The following G3BP1 variants were observed in gnomAD, a reference collection of about 807,000 sequenced individuals.
G3BP1 encodes G3BP stress granule assembly factor 1.
A neutral mutation model predicts 58.6 loss-of-function variants in G3BP1; 35 were observed. That is an observed-to-expected ratio of 0.60 (90% CI 0.46 to 0.79). The LOEUF is 0.79. G3BP1 is among the 30% of genes least tolerant of loss of function. The pLI is 0.00. For missense variants in G3BP1, 523 were observed against 580.8 expected (o/e 0.90, Z 1.02); for synonymous variants, 191 against 195.4 (o/e 0.98, Z 0.19).
intron 6 of G3BP1, among the ~76,000 whole-genome samples, chr5:151,796,513 C>G (rs765839970): frequency 6.6e-6 from 1 of 152,158 alleles, no homozygotes; most frequent in Non-Finnish European, 1.5e-5. Context: ...GGTGATCTGC[C>G]CACCTTGGCC....
rs775337959 is a variant in G3BP1, at chr5:151,804,014, A to G, written c.1324A>G (p.Met442Val). The G allele has an allele frequency of 2.5e-6, 4 of 1,613,300 alleles. No homozygotes were observed. Among genetic ancestry groups the G allele is most frequent in the Non-Finnish European group, 3.4e-6 (4 of 1,179,668 alleles). The change falls in exon 12 of 12, where the codon ATG (methionine) becomes GTG (valine). Residue 442 changes from methionine to valine, a missense_variant. Coordinates refer to ENST00000356245, the MANE Select transcript of G3BP1 (RefSeq NM_005754.3). The part of the protein sequence containing the change: ...GGPRGGLGGG[M>V]RGPPRGGMVQ... ...CCCTCGAGGTGGGCTGGGTGGTGGA[A>G]TGAGAGGCCCTCCCCGTGGAGGCAT...
intron 1 of G3BP1, among the ~76,000 whole-genome samples, chr5:151,780,657 C>G (rs903023018): frequency 2.0e-5 from 3 of 152,134 alleles, no homozygotes; most frequent in African/African-American, 7.2e-5. Context: ...GGACTACAGG[C>G]GCCCACCACC....
chr5:151,776,636 A>G (rs954545480), intron 1 of G3BP1, among the ~76,000 whole-genome samples: 1 of 151,370 alleles, frequency 6.6e-6, no homozygotes, highest in African/African-American at 2.4e-5. Flanking sequence ...TGTATTCTTC[A>G]TGTTTTTTCT....
At chr5:151,794,827 G>C (rs1019218611) in intron 5 of G3BP1, among the ~76,000 whole-genome samples, 5 of 152,318 alleles carry the variant, frequency 3.3e-5, no homozygotes, top group Middle Eastern at 3.4e-3. Context: ...TTGTAATACA[G>C]TTTTACAGAT....
rs560505562 is a variant in G3BP1, at chr5:151,778,855, G to C, written c.-50+6819G>C. Among the ~76,000 whole-genome samples the C allele has an allele frequency of 2.5e-4, 38 of 151,982 alleles. No homozygotes were observed. The South Asian group carries it at 7.1e-3, about 28-fold the overall frequency. On this transcript the variant is annotated intron_variant, in intron 1 of 11. Coordinates refer to ENST00000356245, the MANE Select transcript of G3BP1 (RefSeq NM_005754.3). ...GTGGATCACTTGAGGCCAGGGGTTC[G>C]AGACCAGCCTGGGCAACATGGTGAA...
rs1762993801 is a variant in G3BP1, at chr5:151,809,944, A to C, written c.*5853A>C. On this transcript the variant is annotated 3_prime_UTR_variant, in exon 12 of 12. Transcript: ENST00000356245. ...GGATGGGTTTACTACTAGCTGTCAG[A>C]AAGCTATTGGGTATCCTAATGTGTT... 2 of 152,196 alleles carry C rather than the reference A, an allele frequency of 1.3e-5. No individual in the cohort carries two copies. Among genetic ancestry groups the C allele is most frequent in the Non-Finnish European group, 2.9e-5 (2 of 68,044 alleles). The allele number at this position is 152,196 out of a possible 1,614,324, so 9.4% of individuals were successfully genotyped here.
chr5:151,797,222 CAAAGT>C lies in G3BP1; in HGVS notation c.540-2_542del. The C allele has an allele frequency of 6.2e-7, 1 of 1,612,480 alleles. No individual in the cohort carries two copies. On this transcript the variant is annotated splice_acceptor_variant and splice_polypyrimidine_tract_variant and coding_sequence_variant and intron_variant, in exon 7 of 12. Coordinates refer to ENST00000356245, the MANE Select transcript of G3BP1 (RefSeq NM_005754.3). LOFTEE classifies it high-confidence loss of function. ...AATGATATTTCTCAAATTTTCCTGT[CAAAGT>C]AATGACATGGAAGAACATTTAGAGG...
chr5:151,794,209 A>G lies in G3BP1; in HGVS notation c.402A>G (p.Gln134=), dbSNP rs1762708728. 1 of 1,611,214 alleles carries G rather than the reference A, an allele frequency of 6.2e-7. No homozygotes were observed. Among genetic ancestry groups the G allele is most frequent in the Non-Finnish European group, 8.5e-7 (1 of 1,177,418 alleles). The change falls in exon 5 of 12, where the codon CAA becomes CAG. Residue 134 remains glutamine (Q), a synonymous_variant. Transcript: ENST00000356245. ...TTCACAATGATATCTTCAGATACCA[A>G]GATGAGGTCTTTGGTGGGTTTGTCA... ...FYVHNDIFRY[Q]DEVFGGFVTE... is the part of the protein sequence containing the mutation.
chr5:151,798,061 A>C (rs931862501), intron 7 of G3BP1, among the ~76,000 whole-genome samples: 14 of 152,180 alleles, frequency 9.2e-5, no homozygotes, highest in Non-Finnish European at 1.3e-4. Context: ...CAATAATTCA[A>C]ATTCCTGCTG....
rs1198827576 is a variant in G3BP1 at position 151,806,317 on chromosome 5, T to A, written c.*2226T>A. Reference sequence around the variant, plus strand: ...TACTCTAAGGAATTAGTAATTTCACTTTTTATTATTTGTACCAAATGTATG... The same window carrying A: ...TACTCTAAGGAATTAGTAATTTCACATTTTATTATTTGTACCAAATGTATG... On this transcript the variant is annotated 3_prime_UTR_variant, in exon 12 of 12. Coordinates refer to ENST00000356245, the MANE Select transcript of G3BP1 (RefSeq NM_005754.3). 2 of 152,208 alleles carry A rather than the reference T, an allele frequency of 1.3e-5. No homozygotes were observed. The highest frequency in any genetic ancestry group is 2.9e-5 in the Non-Finnish European group (2 of 68,026). The allele number at this position is 152,208 out of a possible 1,614,324, so 9.4% of individuals were successfully genotyped here. A position where few individuals can be genotyped will look rare whatever the true frequency, so the allele number is the denominator to read the frequency against.
rs1357555307 is a variant in G3BP1 at position 151,809,715 on chromosome 5, A to T, written c.*5624A>T. ...ATCTGCTTTTAGAAGTAATATGGTG[A>T]TCATCAGTTTAGATTCACTGTAGGA... On this transcript the variant is annotated 3_prime_UTR_variant, in exon 12 of 12. Coordinates refer to ENST00000356245, the MANE Select transcript of G3BP1 (RefSeq NM_005754.3). 6.6e-6 allele frequency: 1 copy of T among 152,198 alleles called. No individual in the cohort carries two copies. Among genetic ancestry groups the T allele is most frequent in the Non-Finnish European group, 1.5e-5 (1 of 68,028 alleles). The allele number at this position is 152,198 out of a possible 1,614,324, so 9.4% of individuals were successfully genotyped here.
chr5:151,778,931 C>T (rs1414438376), intron 1 of G3BP1, among the ~76,000 whole-genome samples: 2 of 151,984 alleles, frequency 1.3e-5, no homozygotes, highest in Middle Eastern at 3.4e-3. Flanking sequence ...GTGGTGTGTG[C>T]TTGTAATCCC....
At chr5:151,796,131 G>A (rs1166938759) in intron 6 of G3BP1, among the ~76,000 whole-genome samples, 2 of 152,164 alleles carry the variant, frequency 1.3e-5, no homozygotes, top group Non-Finnish European at 2.9e-5. Flanking sequence ...AGTGCCTGAA[G>A]GGTGTTTTCA....
Position 151,799,913 on chromosome 5 carries a change from T to A in G3BP1, c.868T>A (p.Ser290Thr). The A allele has an allele frequency of 6.2e-7, 1 of 1,612,316 alleles. No homozygotes were observed. The highest frequency in any genetic ancestry group is 8.5e-7 in the Non-Finnish European group (1 of 1,178,366). ...GCCCCGTCCAGAGTCTAAGCCTGAA[T>A]CTCAGATTCCACCACAAAGACCTCA... ...SQPRPESKPE[S>T]QIPPQRPQRD... The change falls in exon 9 of 12, where the codon TCT becomes ACT. Residue 290 changes from serine to threonine, a missense_variant. This residue lies in a region of G3BP1 where 398 missense variants were observed against 399.1 expected (regional missense o/e 1.00). Transcript: ENST00000356245.
At position 151,781,571 on chromosome 5, in the gene G3BP1, T is replaced by C. The variant is rs577776321; in HGVS notation, c.-49-5001T>C. On this transcript the variant is annotated intron_variant, in intron 1 of 11. Coordinates refer to ENST00000356245, the MANE Select transcript of G3BP1 (RefSeq NM_005754.3). ...CCATACGAAATATCACTAATGATGC[T>C]GAAAGCACTCCCAAGAAACAGAAAA... Among the ~76,000 whole-genome samples the C allele has an allele frequency of 5.3e-5, 8 of 152,300 alleles. No homozygotes were observed. The East Asian group carries it at 1.3e-3, about 26-fold the overall frequency.
At chr5:151,792,218 G>C (rs771365035) in intron 4 of G3BP1, 1 of 394,568 alleles carries the variant, frequency 2.5e-6, no homozygotes, top group African/African-American at 2.1e-5. Flanking sequence ...AATCCTGTCT[G>C]CTTAAGCATG....
At chr5:151,792,250 G>T in intron 4 of G3BP1, 1 of 271,684 alleles carries the variant, frequency 3.7e-6, no homozygotes, top group Non-Finnish European at 7.5e-6. Flanking sequence ...GGCATAGTAA[G>T]AAATTGTTGA....
intron 2 of G3BP1, 148 bp downstream of exon 2, chr5:151,786,863 GAC>G: frequency 1.7e-6 from 1 of 594,658 alleles, no homozygotes; most frequent in South Asian, 1.9e-5. Context: ...TTTTATTTGA[GAC>G]AGAGTCTCGC....
chr5:151,793,885 G>A (rs919672002), intron 4 of G3BP1, among the ~76,000 whole-genome samples: 4 of 150,150 alleles, frequency 2.7e-5, no homozygotes, highest in African/African-American at 2.4e-5. Flanking sequence ...ATGGTGGCGC[G>A]CCCCTGTAGT....
Sources: gnomAD v4.1 joint callset for allele counts (sites outside exome capture counted in the v4.1 genomes callset) on GRCh38, gnomAD v4.1.1 for gene constraint, gnomAD v4.1.1 regional missense constraint, MANE v1.5 for transcripts, NCBI Gene and HGNC (gene_info 2026-07-23, HGNC 2026-07-21) for gene names.